Variants in DHRSX observed in about 807,000 individuals in gnomAD.
DHRSX encodes dehydrogenase/reductase X-linked.
DHRSX carries 31 observed loss-of-function variants against 34.0 expected under a neutral mutation model. That is an observed-to-expected ratio of 0.91 (90% CI 0.69 to 1.23). The LOEUF is 1.23. Among genes scored for constraint, DHRSX ranks in the 50% most tolerant of loss-of-function variants. The pLI is 0.00. For synonymous variants in DHRSX, 201 were observed against 183.8 expected (o/e 1.09, Z -0.76); for missense variants, 414 against 428.1 (o/e 0.97, Z 0.29).
chrX:2,356,669 T>TC (rs2042856483), intron 3 of DHRSX, among the ~76,000 whole-genome samples: 1 of 152,074 alleles, frequency 6.6e-6, no homozygotes, highest in African/African-American at 2.4e-5. Context: ...CAGACCAACC[T>TC]CCCTCTTCCT....
At chrX:2,475,962 T>G (rs1175506866) in intron 1 of DHRSX, among the ~76,000 whole-genome samples, 1 of 152,168 alleles carries the variant, frequency 6.6e-6, no homozygotes, top group Admixed American at 6.5e-5. Flanking sequence ...CTCCCTTAAC[T>G]CTGCCCAGCC....
intron 5 of DHRSX, among the ~76,000 whole-genome samples, chrX:2,265,522 A>G (rs1602834081): frequency 7.7e-6 from 1 of 129,424 alleles, no homozygotes; most frequent in Non-Finnish European, 1.6e-5. Context: ...ACCAGTGTCC[A>G]GCAGATGCAG....
chrX:2,440,588 C>T (rs1275801029), intron 1 of DHRSX, among the ~76,000 whole-genome samples: 2 of 151,528 alleles, frequency 1.3e-5, no homozygotes, highest in Admixed American at 6.6e-5. Flanking sequence ...AGTGCAGTGG[C>T]GGGATCTCTA....
chrX:2,245,978 C>CAAAA (rs1218727541), intron 5 of DHRSX, among the ~76,000 whole-genome samples: 1 of 131,658 alleles, frequency 7.6e-6, no homozygotes, highest in African/African-American at 3.0e-5. Context: ...AACAAAAAAA[C>CAAAA]AAAAAAACAC....
In DHRSX at chrX:2,440,550, C is replaced by T. The variant is rs759652123; in HGVS notation, c.110-15246G>A. 1.7e-4 allele frequency among the ~76,000 whole-genome samples: 26 copies of T among 149,986 alleles called. No homozygotes were observed. In the South Asian group the frequency reaches 3.0e-3, roughly 17 times the overall value. ...TCTTTCTTTCTTTTTTTTTTTGAAA[C>T]GGAGTCTCGCTCTGTCACCCAGGCT... On this transcript the variant is annotated intron_variant, in intron 1 of 6. Coordinates refer to ENST00000334651, the MANE Select transcript of DHRSX (RefSeq NM_145177.3).
At chrX:2,347,627 G>A (rs1334804359) in intron 3 of DHRSX, among the ~76,000 whole-genome samples, 1 of 152,170 alleles carries the variant, frequency 6.6e-6, no homozygotes, top group African/African-American at 2.4e-5. Flanking sequence ...CCAGGAGGTG[G>A]AGGCTGTAGT....
chrX:2,437,585 CA>C (rs1236636048), intron 1 of DHRSX, among the ~76,000 whole-genome samples: 1 of 144,768 alleles, frequency 6.9e-6, no homozygotes, highest in Non-Finnish European at 1.5e-5. Flanking sequence ...GCCTAGGTGA[CA>C]GAGCAAGACC....
chrX:2,447,058 T>A (rs1208916456), intron 1 of DHRSX, among the ~76,000 whole-genome samples: 1 of 151,092 alleles, frequency 6.6e-6, no homozygotes, highest in Admixed American at 6.6e-5. Context: ...AGACATTCCC[T>A]AAGCATGTGG....
intron 2 of DHRSX, among the ~76,000 whole-genome samples, chrX:2,423,178 G>A (rs1648603498): frequency 6.6e-6 from 1 of 151,394 alleles, no homozygotes; most frequent in Non-Finnish European, 1.5e-5. Flanking sequence ...TTTGGGAGGC[G>A]GAGGTGGGCA....
intron 3 of DHRSX, among the ~76,000 whole-genome samples, chrX:2,329,857 T>G (rs1316503313): frequency 6.6e-6 from 1 of 151,898 alleles, no homozygotes; most frequent in Admixed American, 6.6e-5. Context: ...GTGCTGATAA[T>G]GGATGAAACA....
At chrX:2,476,192 G>A (rs768859394) in intron 1 of DHRSX, among the ~76,000 whole-genome samples, 3 of 151,992 alleles carry the variant, frequency 2.0e-5, no homozygotes, top group East Asian at 3.9e-4. Context: ...GTTTGAGACC[G>A]GCCAGGCCAA....
intron 5 of DHRSX, among the ~76,000 whole-genome samples, chrX:2,251,994 T>C (rs942101204): frequency 4.6e-5 from 7 of 151,964 alleles, no homozygotes; most frequent in Admixed American, 2.0e-4. Context: ...TCCCAGCACT[T>C]TGGGAGGCTG....
At chrX:2,488,762 C>A in intron 1 of DHRSX, 2 of 1,613,960 alleles carry the variant, frequency 1.2e-6, no homozygotes, top group Non-Finnish European at 1.7e-6. Flanking sequence ...CTCTGCCCCA[C>A]TCCGGGCGTT....
Position 2,308,810 on chromosome X carries a change from T to C in DHRSX, c.287-17207A>G, listed in dbSNP as rs187053935. ...GGGAGGGGAGGGAAGCAAGAATGAA[T>C]GGAAGGAGGGAAGAAAGAAAGGGAG... On this transcript the variant is annotated intron_variant, in intron 3 of 6. Coordinates refer to ENST00000334651, the MANE Select transcript of DHRSX (RefSeq NM_145177.3). Among the ~76,000 whole-genome samples the C allele has an allele frequency of 1.9e-3, 223 of 120,366 alleles. 1 individual carries two copies. Among genetic ancestry groups the C allele is most frequent in the African/African-American group, 6.9e-3 (211 of 30,750 alleles). The allele number at this position is 120,366 out of a possible 152,430, so 79.0% of individuals were successfully genotyped here.
chrX:2,243,788 G>GTTTTTTTTTTTTTTTTTTTTTTTTTTTT (rs778957532), intron 5 of DHRSX, among the ~76,000 whole-genome samples: 2 of 25,180 alleles, frequency 7.9e-5, no homozygotes, highest in Admixed American at 6.0e-4. Context: ...TATGCTCCCT[G>GTTTTTTTTTTTTTTTTTTTTTTTTTTTT]TTTTTTTTTT....
At chrX:2,259,299 T>C (rs1320357775) in intron 5 of DHRSX, among the ~76,000 whole-genome samples, 1 of 140,080 alleles carries the variant, frequency 7.1e-6, no homozygotes, top group Non-Finnish European at 1.5e-5. Flanking sequence ...GATAGATATA[T>C]AGATATAGAT....
At chrX:2,236,107 G>A (rs775242397) in intron 6 of DHRSX, among the ~76,000 whole-genome samples, 64 of 151,152 alleles carry the variant, frequency 4.2e-4, no homozygotes, top group African/African-American at 1.4e-3. Context: ...GTGAGACTCC[G>A]TCTCAAAGAA....
chrX:2,442,076 C>G (rs2044069439), intron 1 of DHRSX, among the ~76,000 whole-genome samples: 1 of 152,084 alleles, frequency 6.6e-6, no homozygotes, highest in Non-Finnish European at 1.5e-5. Flanking sequence ...ATATTATATA[C>G]TACATTCTCA....
intron 3 of DHRSX, among the ~76,000 whole-genome samples, chrX:2,396,375 CTTTTT>C (rs1204243041): frequency 7.1e-5 from 7 of 99,224 alleles, no homozygotes; most frequent in African/African-American, 1.9e-4. Flanking sequence ...CTTTCTTTTT[CTTTTT>C]TTTTTTTTTT....
Sources: gnomAD v4.1 joint callset for allele counts (sites outside exome capture counted in the v4.1 genomes callset) on GRCh38, gnomAD v4.1.1 for gene constraint, MANE v1.5 for transcripts, NCBI Gene and HGNC (gene_info 2026-07-23, HGNC 2026-07-21) for gene names.